Variants in TSHR observed in about 807,000 individuals in gnomAD.
The protein encoded by TSHR is thyrotropin receptor.
Under a neutral mutation model 64.1 loss-of-function variants are expected in TSHR, and 51 were observed. The observed-to-expected ratio is 0.80, with a 90% CI of 0.64 to 1.01. The LOEUF (loss-of-function observed/expected upper bound fraction) is 1.01. TSHR is among the 50% of genes least tolerant of loss of function. TSHR has a pLI of 0.00. For synonymous variants in TSHR, 361 were observed against 361.9 expected (o/e 1.00, Z 0.03); for missense variants, 877 against 942.8 (o/e 0.93, Z 0.91).
chr14:81,118,545 G>T (rs1890635206), intron 8 of TSHR, among the ~76,000 whole-genome samples: 1 of 151,010 alleles, frequency 6.6e-6, no homozygotes, highest in Non-Finnish European at 1.5e-5. Flanking sequence ...ACAAATGGAA[G>T]AACATTCCAT....
intron 3 of TSHR, among the ~76,000 whole-genome samples, chr14:81,085,368 C>A (rs1377779799): frequency 1.3e-5 from 2 of 152,222 alleles, no homozygotes; most frequent in African/African-American, 4.8e-5. Flanking sequence ...CACTTGTGAG[C>A]AAGTGGTAAG....
chr14:80,993,499 C>T (rs989490164), intron 1 of TSHR: 1 of 152,110 alleles, frequency 6.6e-6, no homozygotes, highest in African/African-American at 2.4e-5. Context: ...TCATTATATA[C>T]TCCTATCAGT....
At chr14:81,013,394 C>A (rs1158376876) in intron 1 of TSHR, 1 of 152,076 alleles carries the variant, frequency 6.6e-6, no homozygotes, top group African/African-American at 2.4e-5. Flanking sequence ...CAGCTTTGTT[C>A]TTTTGGCTTA....
intron 1 of TSHR, among the ~76,000 whole-genome samples, chr14:81,020,972 T>G (rs1354930824): frequency 6.6e-6 from 1 of 151,730 alleles, no homozygotes; most frequent in African/African-American, 2.4e-5. Context: ...CAACACACTT[T>G]GGGTGTCACT....
At chr14:80,982,946 A>G in intron 1 of TSHR, 1 of 532,280 alleles carries the variant, frequency 1.9e-6, no homozygotes, top group South Asian at 2.9e-5. Context: ...TGCTATGTGG[A>G]CTCTGAGGAA....
intron 1 of TSHR, among the ~76,000 whole-genome samples, chr14:81,041,021 T>C (rs1340419416): frequency 1.3e-5 from 2 of 152,038 alleles, no homozygotes; most frequent in Non-Finnish European, 2.9e-5. Context: ...TAACAGATGC[T>C]GGTGAGGTTG....
At chr14:81,060,372 A>G (rs1337220471) in intron 1 of TSHR, among the ~76,000 whole-genome samples, 1 of 152,128 alleles carries the variant, frequency 6.6e-6, no homozygotes, top group African/African-American at 2.4e-5. Flanking sequence ...GAATCCGGAT[A>G]ACTCAATTAA....
intron 3 of TSHR, among the ~76,000 whole-genome samples, chr14:81,082,298 G>A (rs552965518): frequency 2.0e-5 from 3 of 152,366 alleles, no homozygotes; most frequent in East Asian, 3.9e-4. Context: ...AAGGTTATGA[G>A]ATAAACCAGT....
intron 8 of TSHR, among the ~76,000 whole-genome samples, chr14:81,125,052 C>T (rs72691624): frequency 0.24 from 35,960 of 151,786 alleles, 4,328 homozygotes; most frequent in East Asian, 0.3. Flanking sequence ...TAAGACACAG[C>T]CTCTGCTTTA....
intron 3 of TSHR, among the ~76,000 whole-genome samples, chr14:81,072,223 A>G (rs945879980): frequency 6.6e-6 from 1 of 152,214 alleles, no homozygotes; most frequent in African/African-American, 2.4e-5. Flanking sequence ...GACAGTTATT[A>G]TTTACATTTG....
intron 1 of TSHR, among the ~76,000 whole-genome samples, chr14:81,024,244 T>G (rs548357923): frequency 1.6e-4 from 25 of 152,106 alleles, no homozygotes; most frequent in South Asian, 1.2e-3. Context: ...CATGGTTTTT[T>G]TTTGTTTGTT....
chr14:80,973,158 C>G (rs1014927923), intron 1 of TSHR, among the ~76,000 whole-genome samples: 25 of 152,048 alleles, frequency 1.6e-4, no homozygotes, highest in Non-Finnish European at 3.2e-4. Context: ...GTAATCCCAG[C>G]ACTTTGGGAG....
chr14:80,998,909 C>T (rs1023963155), intron 1 of TSHR, among the ~76,000 whole-genome samples: 27 of 152,316 alleles, frequency 1.8e-4, no homozygotes, highest in African/African-American at 6.5e-4. Flanking sequence ...AAGTACATCT[C>T]CATGACTAAG....
At chr14:81,109,957 A>G (rs1890153110) in intron 8 of TSHR, among the ~76,000 whole-genome samples, 1 of 152,244 alleles carries the variant, frequency 6.6e-6, no homozygotes, top group Non-Finnish European at 1.5e-5. Flanking sequence ...ACACTTTTAT[A>G]TCTGCTTCTT....
intron 1 of TSHR, among the ~76,000 whole-genome samples, chr14:81,020,125 CTG>C (rs1467709138): frequency 6.7e-6 from 1 of 149,798 alleles, no homozygotes; most frequent in Non-Finnish European, 1.5e-5. Flanking sequence ...GTGTCTCTGT[CTG>C]TGTGTGTTAC....
At chr14:81,080,095 G>A (rs1405424930) in intron 3 of TSHR, among the ~76,000 whole-genome samples, 1 of 152,070 alleles carries the variant, frequency 6.6e-6, no homozygotes, top group African/African-American at 2.4e-5. Context: ...TAGGACTACA[G>A]GCGTGTGCCA....
intron 1 of TSHR, among the ~76,000 whole-genome samples, chr14:81,019,375 G>A (rs1224098855): frequency 6.6e-6 from 1 of 150,554 alleles, no homozygotes; most frequent in Non-Finnish European, 1.5e-5. Context: ...TATAGTGATG[G>A]TGACTCCAGT....
chr14:81,128,814 C>A (rs1204442256), intron 8 of TSHR, among the ~76,000 whole-genome samples: 1 of 152,152 alleles, frequency 6.6e-6, no homozygotes, highest in Non-Finnish European at 1.5e-5. Context: ...TTGAGATCTT[C>A]CCTGAATGCC....
At chr14:81,054,270 C>T (rs1017230607) in intron 1 of TSHR, among the ~76,000 whole-genome samples, 36 of 152,174 alleles carry the variant, frequency 2.4e-4, no homozygotes, top group African/African-American at 7.0e-4. Context: ...CCTTGCCTTC[C>T]GCCATGATTG....
Sources: gnomAD v4.1 joint callset for allele counts (sites outside exome capture counted in the v4.1 genomes callset) on GRCh38, gnomAD v4.1.1 for gene constraint, MANE v1.5 for transcripts, NCBI Gene and HGNC (gene_info 2026-07-23, HGNC 2026-07-21) for gene names.